The following DLG2 variants were observed in gnomAD, a reference collection of about 807,000 sequenced individuals.
DLG2 encodes the protein disks large homolog 2.
In DLG2, 45 loss-of-function variants were observed where a neutral mutation model predicts 132.5. The observed-to-expected ratio is 0.34, with a 90% CI of 0.27 to 0.44. The LOEUF (loss-of-function observed/expected upper bound fraction) is 0.44. Ranked by LOEUF, DLG2 falls within the 20% of genes least tolerant of loss-of-function variation. The probability of loss-of-function intolerance (pLI) is 1.00; values close to 1 mark genes in which losing one functional copy is unlikely to be tolerated. For synonymous variants in DLG2, 424 were observed against 419.6 expected (o/e 1.01, Z -0.13); for missense variants, 1,045 against 1,196.9 (o/e 0.87, Z 1.87).
intron 4 of DLG2, among the ~76,000 whole-genome samples, chr11:85,168,320 C>T (rs1442135109): frequency 6.6e-6 from 1 of 152,106 alleles, no homozygotes; most frequent in African/African-American, 2.4e-5. Flanking sequence ...GTTCAATAAA[C>T]ATTTATTAAA....
intron 7 of DLG2, among the ~76,000 whole-genome samples, chr11:84,358,459 G>C (rs2098630934): frequency 7.7e-6 from 1 of 129,502 alleles, no homozygotes; most frequent in Non-Finnish European, 1.6e-5. Context: ...TTCTTTTTTT[G>C]TGCCAGGTAA....
chr11:83,780,346 G>A, intron 18 of DLG2, among the ~76,000 whole-genome samples: 1 of 152,168 alleles, frequency 6.6e-6, no homozygotes, highest in Non-Finnish European at 1.5e-5. Flanking sequence ...TTTAAGCTCT[G>A]TGACAGTGGT....
intron 6 of DLG2, among the ~76,000 whole-genome samples, chr11:85,019,710 C>T (rs768418418): frequency 7.9e-5 from 12 of 152,226 alleles, no homozygotes; most frequent in Admixed American, 3.3e-4. Flanking sequence ...TGAGTGAGAA[C>T]ATGCGGTGTT....
intron 6 of DLG2, among the ~76,000 whole-genome samples, chr11:84,921,715 G>C (rs1210455355): frequency 6.6e-6 from 1 of 151,834 alleles, no homozygotes; most frequent in African/African-American, 2.4e-5. Flanking sequence ...AAAAAGATGA[G>C]GAGGGAAAAC....
chr11:85,564,935 T>A (rs1236812038), intron 3 of DLG2, among the ~76,000 whole-genome samples: 1 of 152,086 alleles, frequency 6.6e-6, no homozygotes, highest in African/African-American at 2.4e-5. Context: ...GTTTTATAGT[T>A]TTCAGTGAAC....
chr11:85,213,922 G>T (rs1020921470), intron 4 of DLG2, among the ~76,000 whole-genome samples: 2 of 152,082 alleles, frequency 1.3e-5, no homozygotes, highest in Non-Finnish European at 2.9e-5. Flanking sequence ...AAACAGGGAA[G>T]AAAGTGGGAG....
At chr11:84,526,039 G>C (rs962348664) in intron 7 of DLG2, among the ~76,000 whole-genome samples, 1 of 151,978 alleles carries the variant, frequency 6.6e-6, no homozygotes, top group Non-Finnish European at 1.5e-5. Flanking sequence ...CGTCTTGAGA[G>C]ACCTCTTCTT....
At chr11:84,254,198 G>T (rs1378127704) in intron 7 of DLG2, among the ~76,000 whole-genome samples, 1 of 151,778 alleles carries the variant, frequency 6.6e-6, no homozygotes, top group African/African-American at 2.4e-5. Context: ...TAATAAATAG[G>T]TATTAATTTT....
At chr11:85,464,730 A>G (rs577307794) in intron 3 of DLG2, among the ~76,000 whole-genome samples, 2 of 151,898 alleles carry the variant, frequency 1.3e-5, no homozygotes, top group Non-Finnish European at 2.9e-5. Context: ...GTGGCCTTTC[A>G]TTAGATTTTT....
At chr11:84,587,293 C>T (rs956235590) in intron 6 of DLG2, among the ~76,000 whole-genome samples, 3 of 152,118 alleles carry the variant, frequency 2.0e-5, no homozygotes, top group Non-Finnish European at 2.9e-5. Context: ...TGATTATGTT[C>T]ATTTCTCTCC....
intron 17 of DLG2, among the ~76,000 whole-genome samples, chr11:83,791,818 C>T (rs977107170): frequency 6.6e-6 from 1 of 152,188 alleles, no homozygotes; most frequent in Non-Finnish European, 1.5e-5. Flanking sequence ...GTGACTGCTG[C>T]GCTCGCCTTT....
intron 9 of DLG2, among the ~76,000 whole-genome samples, chr11:84,120,329 G>A (rs2093848066): frequency 1.3e-5 from 2 of 152,176 alleles, no homozygotes; most frequent in South Asian, 4.1e-4. Context: ...AATCACTCAA[G>A]AAAGCTGCTA....
At chr11:84,081,669 T>C (rs1320920205) in intron 10 of DLG2, among the ~76,000 whole-genome samples, 1 of 152,200 alleles carries the variant, frequency 6.6e-6, no homozygotes, top group Admixed American at 6.5e-5. Flanking sequence ...TGTAGCTGCA[T>C]AGTATTCCAT....
rs1442487661 is a variant in DLG2, at chr11:84,273,079, A to G, written c.520-21788T>C. On this transcript the variant is annotated intron_variant, in intron 7 of 27. Coordinates refer to ENST00000376104, the MANE Select transcript of DLG2 (RefSeq NM_001142699.3). ...ATGCACAGAATTTATACATTTCTCT[A>G]TAGATACAACAGGAGAAAAAGGAAG... 10 of 1,272,210 alleles carry G rather than the reference A, an allele frequency of 7.9e-6. No individual in the cohort carries two copies. The East Asian group carries it at 1.1e-4, about 14-fold the overall frequency. 78.8% of individuals were successfully genotyped at this position (1,272,210 alleles called of 1,614,324 possible). A position where few individuals can be genotyped will look rare whatever the true frequency, so the allele number is the denominator to read the frequency against.
chr11:83,896,602 A>G (rs1295669514), intron 15 of DLG2, among the ~76,000 whole-genome samples: 5 of 152,238 alleles, frequency 3.3e-5, no homozygotes, highest in African/African-American at 4.8e-5. Flanking sequence ...GTTTTTTATT[A>G]ATTAATGAAT....
intron 4 of DLG2, among the ~76,000 whole-genome samples, chr11:85,282,851 G>A (rs61697848): frequency 0.043 from 6,601 of 151,870 alleles, 184 homozygotes; most frequent in East Asian, 0.096. Context: ...GTCCATCAGT[G>A]GTAGCCTGGA....
At chr11:85,469,515 A>C (rs1434077073) in intron 3 of DLG2, 1 of 152,188 alleles carries the variant, frequency 6.6e-6, no homozygotes, top group African/African-American at 2.4e-5. Flanking sequence ...GAAACACCAA[A>C]CTACTCTGGT....
intron 15 of DLG2, among the ~76,000 whole-genome samples, chr11:83,875,370 G>C (rs2064495817): frequency 6.6e-6 from 1 of 152,102 alleles, no homozygotes; most frequent in Non-Finnish European, 1.5e-5. Flanking sequence ...TATGAGGTAT[G>C]TCCCATTCAA....
intron 7 of DLG2, among the ~76,000 whole-genome samples, chr11:84,367,796 A>G (rs1373662183): frequency 1.3e-5 from 2 of 152,118 alleles, no homozygotes; most frequent in Non-Finnish European, 2.9e-5. Flanking sequence ...CTCATCCTCC[A>G]GGACCTTAAC....
Sources: gnomAD v4.1 joint callset for allele counts (sites outside exome capture counted in the v4.1 genomes callset) on GRCh38, gnomAD v4.1.1 for gene constraint, MANE v1.5 for transcripts, NCBI Gene and HGNC (gene_info 2026-07-23, HGNC 2026-07-21) for gene names.